ATG14: variants seen among roughly 807,000 people sequenced by gnomAD.
ATG14 encodes beclin 1-associated autophagy-related key regulator.
In ATG14, 35 loss-of-function variants were observed where a neutral mutation model predicts 60.4. The ratio of observed to expected loss-of-function variants is 0.58; its 90% CI spans 0.44 to 0.77. The LOEUF is 0.77. Ranked by LOEUF, ATG14 falls within the 30% of genes least tolerant of loss-of-function variation. The pLI is 0.00. For synonymous variants in ATG14, 234 were observed against 228.8 expected, an observed-to-expected ratio of 1.02 and a Z score of -0.21; for missense variants, 647 against 626.3, an observed-to-expected ratio of 1.03 and a Z score of -0.35.
chr14:55,397,434 C>A lies in ATG14; in HGVS notation c.222G>T (p.Arg74Ser), dbSNP rs1885331626. The change falls in exon 2 of 10, where the codon AGG (arginine) becomes AGT (serine). Residue 74 changes from arginine (R) to serine (S), a missense_variant and splice_region_variant. Transcript: ENST00000247178. ...TTAACCTTTCCTTCTTGTCGATAAA[C>A]CTGTAACAAAAAAATTCAATGTCTT... is the stretch of plus-strand genomic sequence containing the variant. ...FVYFDGRDRERFIDKKERLSR... is the reference protein window; with the variant it reads ...FVYFDGRDRESFIDKKERLSR... 3.1e-6 allele frequency: 5 copies of A among 1,611,026 alleles called. 1 individual carries two copies. The highest frequency in any genetic ancestry group is 2.2e-5 in the South Asian group (2 of 90,950).
rs1309498838 is a variant in ATG14 at position 55,375,588 on chromosome 14, C to A, written c.1172+2231G>T. On this transcript the variant is annotated intron_variant, in intron 9 of 9. Coordinates refer to ENST00000247178, the MANE Select transcript of ATG14 (RefSeq NM_014924.5). ...TGAACTCCTGGGCTCAAGTGATCCT[C>A]CCACTTCAGCCTCCCAAGTAGCTGG... Among the ~76,000 whole-genome samples, 3 of 150,454 alleles carry A rather than the reference C, an allele frequency of 2.0e-5. No individual in the cohort carries two copies. The East Asian group carries it at 5.8e-4, about 29-fold the overall frequency.
intron 9 of ATG14, among the ~76,000 whole-genome samples, chr14:55,373,827 C>A (rs956488151): frequency 4.7e-5 from 7 of 149,928 alleles, no homozygotes; most frequent in African/African-American, 1.7e-4. Context: ...AAAAGTTTAT[C>A]TTTTCAGAAT....
At chr14:55,378,264 T>G (rs1884958650) in intron 7 of ATG14, among the ~76,000 whole-genome samples, 190 bp from the exon 8 acceptor site, 1 of 152,202 alleles carries the variant, frequency 6.6e-6, no homozygotes, top group African/African-American at 2.4e-5. Context: ...CTATACAAAT[T>G]ACAAATGCAC....
At chr14:55,393,198 G>A (rs371600704) in intron 3 of ATG14, among the ~76,000 whole-genome samples, 152 of 150,286 alleles carry the variant, frequency 1.0e-3, no homozygotes, top group African/African-American at 3.3e-3. Flanking sequence ...TGGCTAACAC[G>A]GTGAAACCCC....
At chr14:55,372,463 G>C (rs1884840363) in intron 9 of ATG14, among the ~76,000 whole-genome samples, 1 of 152,112 alleles carries the variant, frequency 6.6e-6, no homozygotes, top group African/African-American at 2.4e-5. Context: ...AGAACTGACT[G>C]CCAGGCTAAG....
chr14:55,396,994 T>C lies in ATG14; in HGVS notation c.284+378A>G, dbSNP rs151180287. ...TGATACAGGTAATGTGCAGACCATA[T>C]GTTGTAAAATACTGATATGGACAAA... On this transcript the variant is annotated intron_variant, in intron 2 of 9. Transcript: ENST00000247178. Among the ~76,000 whole-genome samples the C allele has an allele frequency of 2.6e-5, 4 of 152,318 alleles. No individual in the cohort carries two copies. The East Asian group carries it at 7.7e-4, about 29-fold the overall frequency.
Position 55,368,437 on chromosome 14 carries a change from C to G in ATG14, c.*1182G>C, listed in dbSNP as rs187092212. 966 of 152,400 alleles carry G rather than the reference C, an allele frequency of 6.3e-3. 3 individuals are homozygous for G. The highest frequency in any genetic ancestry group is 0.011 in the Non-Finnish European group (745 of 68,092). 9.4% of individuals were successfully genotyped at this position (152,400 alleles called of 1,614,324 possible). ...GTTTCACCATGTTAGCCAGGCTGCT[C>G]TCAAACTCCTGACCTCAAGTGATCC... On this transcript the variant is annotated 3_prime_UTR_variant, in exon 10 of 10. Transcript: ENST00000247178.
chr14:55,390,240 TTTGTATTTTTAGTAGAGA>T (rs1254520260), intron 4 of ATG14, among the ~76,000 whole-genome samples: 1 of 151,654 alleles, frequency 6.6e-6, no homozygotes, highest in Admixed American at 6.6e-5. Context: ...CCGGCTAATT[TTTGTATTTTTAGTAGAGA>T]TGGGGTTTCA....
At chr14:55,399,674 A>G (rs1389460586) in intron 1 of ATG14, among the ~76,000 whole-genome samples, 2 of 152,242 alleles carry the variant, frequency 1.3e-5, no homozygotes, top group African/African-American at 4.8e-5. Context: ...TTACTTTTAT[A>G]TCAGTGAGAC....
chr14:55,375,255 A>G (rs899259176), intron 9 of ATG14, among the ~76,000 whole-genome samples: 5 of 152,228 alleles, frequency 3.3e-5, no homozygotes, highest in Non-Finnish European at 7.3e-5. Flanking sequence ...CTACAGTAAA[A>G]GGAATACTTT....
At chr14:55,381,596 A>T (rs1265817287) in intron 6 of ATG14, among the ~76,000 whole-genome samples, 1 of 152,248 alleles carries the variant, frequency 6.6e-6, no homozygotes, top group Non-Finnish European at 1.5e-5. Context: ...AATATATACT[A>T]TCATGTGGAT....
intron 1 of ATG14, among the ~76,000 whole-genome samples, chr14:55,404,141 G>T (rs950356117): frequency 6.6e-6 from 1 of 152,004 alleles, no homozygotes; most frequent in Non-Finnish European, 1.5e-5. Flanking sequence ...TCCCAAACAG[G>T]GTCTGATTAT....
rs979041805 is a variant in ATG14, at chr14:55,369,233, A to T, written c.*386T>A. 1 of 161,318 alleles carries T rather than the reference A, an allele frequency of 6.2e-6. No individual in the cohort carries two copies. The highest frequency in any genetic ancestry group is 1.3e-5 in the Non-Finnish European group (1 of 74,238). The allele number at this position is 161,318 out of a possible 1,614,324, so 10.0% of individuals were successfully genotyped here. On this transcript the variant is annotated 3_prime_UTR_variant, in exon 10 of 10. Coordinates refer to ENST00000247178, the MANE Select transcript of ATG14 (RefSeq NM_014924.5). Reference sequence around the variant, plus strand: ...GTGATTCAACCAACCTCTAAAACTTAAAGTGTCAGGAACAGTCTCAGCACC... The same window carrying T: ...GTGATTCAACCAACCTCTAAAACTTTAAGTGTCAGGAACAGTCTCAGCACC...
chr14:55,385,645 AG>A (rs1159628642), intron 5 of ATG14, among the ~76,000 whole-genome samples: 1 of 152,196 alleles, frequency 6.6e-6, no homozygotes, highest in Non-Finnish European at 1.5e-5. Flanking sequence ...TAGAAGCTCT[AG>A]GACAGTACAC....
At chr14:55,399,962 TAACA>T (rs1324504469) in intron 1 of ATG14, among the ~76,000 whole-genome samples, 7 of 152,144 alleles carry the variant, frequency 4.6e-5, no homozygotes, top group Admixed American at 3.9e-4. Context: ...GCAGCAGGAA[TAACA>T]AACAAAAGAT....
chr14:55,382,433 A>G (rs771465109), intron 5 of ATG14, among the ~76,000 whole-genome samples: 2 of 152,160 alleles, frequency 1.3e-5, no homozygotes, highest in African/African-American at 4.8e-5. Flanking sequence ...CTCCTGCCTC[A>G]GCCTCCTAAG....
intron 3 of ATG14, chr14:55,394,828 ACCC>A (rs903353268): frequency 1.3e-5 from 4 of 305,242 alleles, no homozygotes; most frequent in Admixed American, 8.6e-5. Flanking sequence ...ATAAAAACTA[ACCC>A]CCCAACTACG....
chr14:55,369,695 C>G lies in ATG14; in HGVS notation c.1403G>C (p.Ser468Thr), dbSNP rs1332439489. The change falls in exon 10 of 10, where the codon AGC becomes ACC. Residue 468 changes from serine to threonine, a missense_variant. Transcript: ENST00000247178. ...AGAGGAGATCATCCCACCTGCACTG[C>G]TGCTCGCGATGGGTGGGGACGCCTG... ...STQASPPIAS[S>T]SAGGMISSAA... 2 of 1,604,028 alleles carry G rather than the reference C, an allele frequency of 1.2e-6. No homozygotes were observed. The highest frequency in any genetic ancestry group is 1.7e-5 in the Admixed American group (1 of 59,490).
intron 4 of ATG14, 149 bp from the exon 5 acceptor site, chr14:55,386,245 T>A: frequency 1.5e-6 from 1 of 650,570 alleles, no homozygotes; most frequent in Non-Finnish European, 2.6e-6. Context: ...GTGGAAAATT[T>A]GAGAGTTTAG....
Sources: allele counts gnomAD v4.1 joint callset (sites outside exome capture counted in the v4.1 genomes callset), GRCh38; gene constraint gnomAD v4.1.1; transcripts MANE v1.5; gene names NCBI Gene and HGNC (gene_info 2026-07-23, HGNC 2026-07-21).